The following SPATA24 variants were observed in gnomAD, a reference collection of about 807,000 sequenced individuals.
SPATA24 encodes the protein spermatogenesis-associated protein 24.
A neutral mutation model predicts 28.9 loss-of-function variants in SPATA24; 21 were observed. The observed-to-expected ratio is 0.73, with a 90% CI of 0.52 to 1.05. The LOEUF is 1.05. Among genes scored for constraint, SPATA24 ranks in the 50% least tolerant of loss-of-function variants. The probability of loss-of-function intolerance (pLI) is 0.00; values close to 1 mark genes in which losing one functional copy is unlikely to be tolerated. For missense variants in SPATA24, 215 were observed against 242.9 expected, an observed-to-expected ratio of 0.88 and a Z score of 0.76; for synonymous variants, 76 against 89.9, an observed-to-expected ratio of 0.85 and a Z score of 0.88.
At chr5:139,394,830 G>C, downstream of SPATA24, 1 of 1,530,986 alleles carries the variant, frequency 6.5e-7, no homozygotes, top group East Asian at 2.6e-5. Context: ...AACCCGAGCC[G>C]GGCCCGTGCC....
downstream of SPATA24, among the ~76,000 whole-genome samples, chr5:139,395,876 C>T (rs547526295): frequency 1.4e-3 from 211 of 152,346 alleles, no homozygotes; most frequent in Non-Finnish European, 2.5e-3. Flanking sequence ...CTTGTGGTCC[C>T]AGCTCCAAAG....
In SPATA24 at chr5:139,399,018, C is replaced by T. The variant is rs571594268; in HGVS notation, c.386-1875G>A. On this transcript the variant is annotated intron_variant, in intron 4 of 5. Coordinates refer to ENST00000450845, the MANE Select transcript of SPATA24 (RefSeq NM_194296.2). ...CAGCCTGGGTGACAGAGCGAGATTC[C>T]GCTTCAAAAAAAAAAAAGGCCAGGC... Among the ~76,000 whole-genome samples, 194 of 61,150 alleles carry T rather than the reference C, an allele frequency of 3.2e-3. 62 individuals carry two copies. Among genetic ancestry groups the T allele is most frequent in the African/African-American group, 0.024 (173 of 7,068 alleles). The allele number at this position is 61,150 out of a possible 152,430, so 40.1% of individuals were successfully genotyped here. A position where few individuals can be genotyped will look rare whatever the true frequency, so the allele number is the denominator to read the frequency against.
downstream of SPATA24, chr5:139,396,612 A>G: frequency 6.9e-7 from 1 of 1,439,434 alleles, no homozygotes; most frequent in Non-Finnish European, 9.1e-7. Context: ...AAATACCCAA[A>G]GGAAGCGGTG....
At chr5:139,401,696 G>A (rs751651253) in intron 4 of SPATA24, 59 bp downstream of exon 4, 2 of 1,506,062 alleles carry the variant, frequency 1.3e-6, no homozygotes, top group Non-Finnish European at 1.8e-6. Context: ...CAGGCACTGG[G>A]TGGTTAGGAA....
chr5:139,403,831 C>CGCCATGGGCCATGCGTTCTA, intron 1 of SPATA24, 113 bp downstream of exon 1: 1 of 894,706 alleles, frequency 1.1e-6, no homozygotes, highest in Admixed American at 2.2e-5. Context: ...CTCCTGATGA[C>CGCCATGGGCCATGCGTTCTA]GCCATGGGCC....
downstream of SPATA24, chr5:139,394,238 G>T: frequency 6.5e-7 from 1 of 1,548,468 alleles, no homozygotes; most frequent in South Asian, 1.2e-5. Context: ...GCCGTTTCCC[G>T]GGTCTCAGGT....
At chr5:139,401,383 G>C in intron 4 of SPATA24, 1 of 584,112 alleles carries the variant, frequency 1.7e-6, no homozygotes, top group Non-Finnish European at 3.0e-6. Context: ...ATTGAGTCCT[G>C]ACCCTGAGAC....
At chr5:139,397,009 C>A in intron 5 of SPATA24, 32 bp downstream of exon 5, 1 of 1,551,646 alleles carries the variant, frequency 6.4e-7, no homozygotes, top group Non-Finnish European at 8.7e-7. Context: ...CCAGTGTCAT[C>A]AACAACCCCC....
At chr5:139,400,313 T>C (rs1384174571) in intron 4 of SPATA24, among the ~76,000 whole-genome samples, 2 of 150,864 alleles carry the variant, frequency 1.3e-5, no homozygotes, top group East Asian at 3.9e-4. Context: ...TTTTTTTTTT[T>C]TTTTTTTTTT....
At position 139,402,685 on chromosome 5, in the gene SPATA24, G is replaced by C; in HGVS notation, c.126C>G (p.Leu42=). 1 of 1,551,848 alleles carries C rather than the reference G, an allele frequency of 6.4e-7. No homozygotes were observed. The highest frequency in any genetic ancestry group is 8.7e-7 in the Non-Finnish European group (1 of 1,146,982). ...LIHQLRNVMV[L]QDENFVSKEE... ...CTTTACTGACAAAATTTTCGTCCTG[G>C]AGAACCATCTGCAACAGAGCCTGGC... The change falls in exon 2 of 6, where the codon CTC becomes CTG. Residue 42 remains leucine (L), a synonymous_variant. Coordinates refer to ENST00000450845, the MANE Select transcript of SPATA24 (RefSeq NM_194296.2).
chr5:139,396,658 T>G, downstream of SPATA24: 1 of 1,521,782 alleles, frequency 6.6e-7, no homozygotes, highest in Non-Finnish European at 8.8e-7. Flanking sequence ...GCTCCTCCCC[T>G]AGGCTACAAG....
downstream of SPATA24, chr5:139,394,901 G>T: frequency 1.3e-6 from 2 of 1,511,700 alleles, no homozygotes; most frequent in South Asian, 2.5e-5. Context: ...CCCCGCCCAG[G>T]AGCCACCCAG....
At chr5:139,403,840 C>A in intron 1 of SPATA24, 104 bp downstream of exon 1, 2 of 981,162 alleles carry the variant, frequency 2.0e-6, no homozygotes, top group Non-Finnish European at 3.1e-6. Context: ...ACGCCATGGG[C>A]CATGCGTTCT....
At chr5:139,394,308 T>C, downstream of SPATA24, 1 of 1,503,658 alleles carries the variant, frequency 6.7e-7, no homozygotes, top group Non-Finnish European at 8.9e-7. Flanking sequence ...CGGGGCTCAG[T>C]TTTCTGGCCA....
chr5:139,401,665 A>G, intron 4 of SPATA24, 90 bp downstream of exon 4: 1 of 1,375,098 alleles, frequency 7.3e-7, no homozygotes, highest in Non-Finnish European at 1.0e-6. Flanking sequence ...CAGGTGTTAG[A>G]GTGAAACCCT....
chr5:139,392,940 C>T, downstream of SPATA24: 2 of 1,516,714 alleles, frequency 1.3e-6, no homozygotes, highest in Non-Finnish European at 1.8e-6. This position sits in a 1 kb window ranked among gnomAD's most constrained non-coding sequence, Gnocchi z 5.8. Flanking sequence ...GCCGCAGGAC[C>T]CCGTTGGGCT....
chr5:139,401,642 C>T, intron 4 of SPATA24, 113 bp downstream of exon 4: 1 of 1,223,528 alleles, frequency 8.2e-7, no homozygotes, highest in Non-Finnish European at 1.2e-6. Context: ...CTGCCTGTAT[C>T]CTCAGCTGGG....
chr5:139,394,975 G>T (rs776415258), downstream of SPATA24: 1 of 1,515,002 alleles, frequency 6.6e-7, no homozygotes, highest in South Asian at 1.2e-5. Context: ...ACCTGGAGCC[G>T]TGTAGTAGGA....
downstream of SPATA24, chr5:139,394,521 C>T (rs1201152262): frequency 6.8e-7 from 1 of 1,464,018 alleles, no homozygotes; most frequent in Non-Finnish European, 9.0e-7. Context: ...CCTCCACACA[C>T]TCGAACTGCG....
Sources: allele counts gnomAD v4.1 joint callset (sites outside exome capture counted in the v4.1 genomes callset), GRCh38; gene constraint gnomAD v4.1.1; non-coding constraint Gnocchi (gnomAD v3.1); transcripts MANE v1.5; gene names NCBI Gene and HGNC (gene_info 2026-07-23, HGNC 2026-07-21).